The following PPP1R13B variants were observed in gnomAD, a reference collection of about 807,000 sequenced individuals.
PPP1R13B encodes the protein protein phosphatase 1 regulatory subunit 13B, also known as apoptosis-stimulating of p53 protein 1.
PPP1R13B carries 44 observed loss-of-function variants against 119.8 expected under a neutral mutation model. That is an observed-to-expected ratio of 0.37 (90% CI 0.29 to 0.47). The LOEUF is 0.47. Among genes scored for constraint, PPP1R13B ranks in the 20% least tolerant of loss-of-function variants. The pLI is 0.99. For synonymous variants in PPP1R13B, 542 were observed against 561.5 expected (o/e 0.97, Z 0.49); for missense variants, 1,227 against 1,413.5 (o/e 0.87, Z 2.12).
intron 1 of PPP1R13B, among the ~76,000 whole-genome samples, chr14:103,806,519 C>T (rs1310800287): frequency 6.6e-6 from 1 of 152,102 alleles, no homozygotes. Context: ...ACCAGGAAGA[C>T]CCCTTTAGCT....
intron 7 of PPP1R13B, among the ~76,000 whole-genome samples, 196 bp from the exon 8 acceptor site, chr14:103,750,130 A>G (rs1886662437): frequency 6.6e-6 from 1 of 152,252 alleles, no homozygotes; most frequent in East Asian, 1.9e-4. Flanking sequence ...ACAAAGAAAG[A>G]GCAAACATCT....
At chr14:103,782,073 A>G (rs1425648195) in intron 3 of PPP1R13B, among the ~76,000 whole-genome samples, 4 of 152,208 alleles carry the variant, frequency 2.6e-5, no homozygotes, top group Non-Finnish European at 4.4e-5. Flanking sequence ...ACAAAGAGGT[A>G]TACAATCAAC....
At chr14:103,792,845 T>C (rs930436499) in intron 2 of PPP1R13B, among the ~76,000 whole-genome samples, 7 of 151,838 alleles carry the variant, frequency 4.6e-5, no homozygotes, top group African/African-American at 1.4e-4. Context: ...CCGAGGCAGG[T>C]GGATCACGAG....
At chr14:103,798,793 C>G (rs1017932361) in intron 1 of PPP1R13B, among the ~76,000 whole-genome samples, 30 of 152,090 alleles carry the variant, frequency 2.0e-4, no homozygotes, top group Admixed American at 1.7e-3. Context: ...ACTTCTGCCT[C>G]CTAGACTCCA....
Position 103,847,546 on chromosome 14 carries a change from G to A in PPP1R13B, c.-239C>T. Reference sequence around the variant, plus strand: ...CGCCGCCGCCGCCGCCTCAACCTCAGCCTCAGCCTCAGCCCCAGCCCGACA... The same window carrying A: ...CGCCGCCGCCGCCGCCTCAACCTCAACCTCAGCCTCAGCCCCAGCCCGACA... On this transcript the variant is annotated 5_prime_UTR_variant, in exon 1 of 17. Transcript: ENST00000202556. The A allele has an allele frequency of 1.0e-6, 1 of 985,934 alleles. No individual in the cohort carries two copies. The highest frequency in any genetic ancestry group is 5.2e-4 in the Middle Eastern group (1 of 1,914). The allele number at this position is 985,934 out of a possible 1,614,324, so 61.1% of individuals were successfully genotyped here. A position where few individuals can be genotyped will look rare whatever the true frequency, so the allele number is the denominator to read the frequency against.
At chr14:103,743,694 T>C (rs1021154095) in intron 9 of PPP1R13B, among the ~76,000 whole-genome samples, 1 of 152,146 alleles carries the variant, frequency 6.6e-6, no homozygotes, top group African/African-American at 2.4e-5. Flanking sequence ...CCTTCCCTTA[T>C]CCCATCTGCC....
chr14:103,827,603 T>C (rs1423746006), intron 1 of PPP1R13B, among the ~76,000 whole-genome samples: 2 of 149,456 alleles, frequency 1.3e-5, no homozygotes, highest in African/African-American at 2.4e-5. Context: ...TGGTGTATGA[T>C]ATATGGTATA....
chr14:103,787,936 C>T (rs1337332330), intron 2 of PPP1R13B, among the ~76,000 whole-genome samples: 2 of 151,848 alleles, frequency 1.3e-5, no homozygotes, highest in African/African-American at 4.8e-5. Context: ...AGGCGTGAGC[C>T]GCCGCGCCCA....
intron 2 of PPP1R13B, among the ~76,000 whole-genome samples, chr14:103,785,526 T>C (rs1335518748): frequency 6.6e-6 from 1 of 150,534 alleles, no homozygotes; most frequent in Admixed American, 6.6e-5. Context: ...CCTTTTTTTT[T>C]TTTTTTTTTT....
intron 1 of PPP1R13B, among the ~76,000 whole-genome samples, chr14:103,845,529 A>G (rs1299779259): frequency 6.6e-6 from 1 of 152,212 alleles, no homozygotes; most frequent in East Asian, 1.9e-4. Flanking sequence ...CCCAATTCCC[A>G]GCTAAACAAA....
intron 4 of PPP1R13B, among the ~76,000 whole-genome samples, chr14:103,760,198 T>C (rs2151990204): frequency 6.6e-6 from 1 of 152,340 alleles, no homozygotes; most frequent in East Asian, 1.9e-4. Flanking sequence ...AAGCACTTTT[T>C]CCACAATTTC....
Position 103,740,529 on chromosome 14 carries a change from C to A in PPP1R13B, c.1887G>T (p.Gly629=), listed in dbSNP as rs1419073465. The change falls in exon 12 of 17, where the codon GGG becomes GGT. Residue 629 remains glycine (G), a synonymous_variant. Transcript: ENST00000202556. This position sits in a 1 kb window ranked among gnomAD's most constrained non-coding sequence, Gnocchi z 4.6. ...TSPSPLPFLH[G]SLSTGTPQPQ... is the part of the protein sequence containing the mutation. ...GCTGTGGTGTGCCCGTGGACAGTGA[C>A]CCGTGAAGAAACGGCAGCGGCGATG... 2 of 1,580,498 alleles carry A rather than the reference C, an allele frequency of 1.3e-6. No individual in the cohort carries two copies. The highest frequency in any genetic ancestry group is 1.4e-5 in the African/African-American group (1 of 73,842).
intron 15 of PPP1R13B, chr14:103,737,268 C>CGAGA (rs1431409742): frequency 6.4e-6 from 1 of 155,190 alleles, no homozygotes; most frequent in Non-Finnish European, 1.4e-5. Context: ...TGGAACAGCT[C>CGAGA]GAGAATGCTG....
At chr14:103,809,715 G>A (rs997221140) in intron 1 of PPP1R13B, among the ~76,000 whole-genome samples, 1 of 151,886 alleles carries the variant, frequency 6.6e-6, no homozygotes, top group African/African-American at 2.4e-5. Flanking sequence ...CCAGACACGT[G>A]GGGGGCTGAG....
intron 4 of PPP1R13B, chr14:103,762,753 G>A (rs2084839906): frequency 2.9e-6 from 2 of 687,878 alleles, no homozygotes; most frequent in East Asian, 5.6e-5. Flanking sequence ...TGGGGGTGGA[G>A]GCGCTGCTGC....
chr14:103,833,647 AAAT>A, intron 1 of PPP1R13B, among the ~76,000 whole-genome samples: 1 of 152,186 alleles, frequency 6.6e-6, no homozygotes, highest in East Asian at 1.9e-4. Flanking sequence ...CATCTCAAAA[AAAT>A]AAAAAATAAA....
chr14:103,845,987 T>C (rs2087021501), intron 1 of PPP1R13B, among the ~76,000 whole-genome samples: 2 of 152,208 alleles, frequency 1.3e-5, no homozygotes, highest in Non-Finnish European at 2.9e-5. Context: ...TATTGGTACA[T>C]TTTTATCCCT....
intron 1 of PPP1R13B, among the ~76,000 whole-genome samples, chr14:103,835,838 T>C (rs1384202872): frequency 1.3e-5 from 2 of 151,732 alleles, no homozygotes; most frequent in Admixed American, 6.6e-5. Flanking sequence ...CTCGATCTCA[T>C]GACCTCGTGA....
intron 4 of PPP1R13B, among the ~76,000 whole-genome samples, chr14:103,760,882 C>G (rs1448193489): frequency 3.9e-5 from 6 of 152,178 alleles, no homozygotes; most frequent in Non-Finnish European, 8.8e-5. Flanking sequence ...CTCCAAACTT[C>G]CACAAATCTA....
Sources: gnomAD v4.1 joint callset for allele counts (sites outside exome capture counted in the v4.1 genomes callset) on GRCh38, gnomAD v4.1.1 for gene constraint, Gnocchi (gnomAD v3.1) non-coding constraint, MANE v1.5 for transcripts, NCBI Gene and HGNC (gene_info 2026-07-23, HGNC 2026-07-21) for gene names.